The following ING3 variants were observed in gnomAD, a reference collection of about 807,000 sequenced individuals.
ING3 encodes inhibitor of growth protein 3.
Under a neutral mutation model 64.8 loss-of-function variants are expected in ING3, and 6 were observed. The observed-to-expected ratio is 0.09, with a 90% CI of 0.05 to 0.18. The LOEUF (loss-of-function observed/expected upper bound fraction) is 0.18. ING3 is among the 10% of genes least tolerant of loss of function. The pLI is 1.00. For missense variants in ING3, 310 were observed against 489.7 expected (o/e 0.63, Z 3.46); for synonymous variants, 170 against 173.7 (o/e 0.98, Z 0.17).
chr7:120,974,914 A>G lies in ING3; in HGVS notation c.*70A>G, dbSNP rs972846557. The stretch of plus-strand genomic sequence containing the variant: ...TTTTATATAGGACTTTAAAAAGAAG[A>G]GAAGAGAAAGAAGAAACAATGCATT... On this transcript the variant is annotated 3_prime_UTR_variant, in exon 12 of 12. Coordinates refer to ENST00000315870, the MANE Select transcript of ING3 (RefSeq NM_019071.3). The G allele has an allele frequency of 3.8e-6, 4 of 1,048,942 alleles. No individual in the cohort carries two copies. Among genetic ancestry groups the G allele is most frequent in the Non-Finnish European group, 4.2e-6 (3 of 709,058 alleles). The allele number at this position is 1,048,942 out of a possible 1,614,324, so 65.0% of individuals were successfully genotyped here. A position where few individuals can be genotyped will look rare whatever the true frequency, so the allele number is the denominator to read the frequency against.
Position 120,967,971 on chromosome 7 carries a change from T to A in ING3, c.594T>A (p.Asn198Lys). Residue 198 changes from asparagine to lysine, a missense_variant, in exon 8 of 12, where the codon AAT (asparagine) becomes AAA (lysine). This residue lies in a region of ING3 where 233 missense variants were observed against 289.4 expected (regional missense o/e 0.81). Coordinates refer to ENST00000315870, the MANE Select transcript of ING3 (RefSeq NM_019071.3). ...RNNNSTASSN[N>K]AYNVNSSQPL... is the part of the protein sequence containing the mutation. ...ATAATTCCACAGCCTCTTCTAACAA[T>A]GCCTACAATGTGAATTCCTCCCAAC... The A allele has an allele frequency of 6.2e-7, 1 of 1,614,130 alleles. No individual in the cohort carries two copies. The highest frequency in any genetic ancestry group is 8.5e-7 in the Non-Finnish European group (1 of 1,180,000).
In ING3 at chr7:120,951,965, A is replaced by G. The variant is rs964668385; in HGVS notation, c.100+730A>G. 2.0e-5 allele frequency among the ~76,000 whole-genome samples: 3 copies of G among 152,210 alleles called. No homozygotes were observed. The South Asian group carries it at 6.2e-4, about 31-fold the overall frequency. On this transcript the variant is annotated intron_variant, in intron 2 of 11. Coordinates refer to ENST00000315870, the MANE Select transcript of ING3 (RefSeq NM_019071.3). ...GCTCAGGGACCACCTGCTGCAGCTA[A>G]GAACCTGTCCTTTTCACTGCTCCTG...
intron 4 of ING3, chr7:120,956,144 G>C: frequency 6.4e-7 from 1 of 1,571,774 alleles, no homozygotes; most frequent in Non-Finnish European, 8.8e-7. Flanking sequence ...CTTTAAACAA[G>C]ATTCTTTTTT....
intron 4 of ING3, among the ~76,000 whole-genome samples, chr7:120,963,373 A>G (rs533465858): frequency 8.5e-5 from 13 of 152,120 alleles, no homozygotes; most frequent in Non-Finnish European, 1.6e-4. Context: ...TTGTTAATAT[A>G]TAAAATACAA....
chr7:120,954,315 A>G (rs919074871), intron 3 of ING3, among the ~76,000 whole-genome samples: 19 of 151,848 alleles, frequency 1.3e-4, no homozygotes, highest in Non-Finnish European at 1.8e-4. Flanking sequence ...GATCCCAGCT[A>G]CTCGAGAGAC....
Position 120,950,795 on chromosome 7 carries a change from T to C in ING3, c.-102T>C. 2.4e-5 allele frequency: 15 copies of C among 634,688 alleles called. No homozygotes were observed. The highest frequency in any genetic ancestry group is 3.7e-5 in the Non-Finnish European group (15 of 400,220). 39.3% of individuals were successfully genotyped at this position (634,688 alleles called of 1,614,324 possible). ...TTTTTTGCCGGAGTCGAGCGGGTGC[T>C]GCTAGCGGAGGCGCCATATTGGAGG... On this transcript the variant is annotated 5_prime_UTR_variant, in exon 1 of 12. Coordinates refer to ENST00000315870, the MANE Select transcript of ING3 (RefSeq NM_019071.3).
rs767152365 is a variant in ING3 at position 120,974,852 on chromosome 7, C to T, written c.*8C>T. ...GGCAGCAGACACAAATAAAGGTGGTCCTTTTGTTTGATGAAGAAATAAACT... is the reference window on the plus strand; with the variant it reads ...GGCAGCAGACACAAATAAAGGTGGTTCTTTTGTTTGATGAAGAAATAAACT... On this transcript the variant is annotated 3_prime_UTR_variant, in exon 12 of 12. Transcript: ENST00000315870. The T allele has an allele frequency of 6.4e-7, 1 of 1,564,916 alleles. No individual in the cohort carries two copies. Among genetic ancestry groups the T allele is most frequent in the Non-Finnish European group, 8.7e-7 (1 of 1,143,796 alleles).
intron 2 of ING3, among the ~76,000 whole-genome samples, 191 bp downstream of exon 2, chr7:120,951,426 C>CTT (rs1333727068): frequency 6.6e-6 from 1 of 152,176 alleles, no homozygotes; most frequent in African/African-American, 2.4e-5. Context: ...TTTTTTCTGG[C>CTT]TTTTGCAAGA....
intron 4 of ING3, 79 bp from the exon 5 acceptor site, chr7:120,964,663 A>C (rs1349723106): frequency 9.0e-7 from 1 of 1,107,878 alleles, no homozygotes; most frequent in South Asian, 1.3e-5. Flanking sequence ...AAGAAACAAA[A>C]ATTTAGGTTT....
chr7:120,961,583 C>CA (rs1197857952), intron 4 of ING3, among the ~76,000 whole-genome samples: 1 of 152,144 alleles, frequency 6.6e-6, no homozygotes, highest in Admixed American at 6.5e-5. Flanking sequence ...AAGAAAGAGT[C>CA]AAAGATTACA....
At position 120,969,086 on chromosome 7, in the gene ING3, A is replaced by G. The variant is rs1018252472; in HGVS notation, c.790A>G (p.Lys264Glu). 6.2e-7 allele frequency: 1 copy of G among 1,614,094 alleles called. No homozygotes were observed. The highest frequency in any genetic ancestry group is 8.5e-7 in the Non-Finnish European group (1 of 1,179,950). ...TAAGAATAATGACTTTCAGTTGGGA[A>G]AAGAATTTTCAATGGCCAGGGAAAC... ...AFKNNDFQLG[K>E]EFSMARETVG... Residue 264 changes from lysine (K) to glutamate (E), a missense_variant, in exon 9 of 12, where the codon AAA (lysine) becomes GAA (glutamate). Physicochemically the swap from Lys to Glu is moderately conservative, Grantham distance 56 (BLOSUM62 1). Around this residue, in one of 3 missense-constraint regions of ING3, gnomAD observed 233 missense variants for 289.4 expected, o/e 0.81. Transcript: ENST00000315870.
At chr7:120,969,618 C>T (rs377304093) in intron 9 of ING3, among the ~76,000 whole-genome samples, 4 of 151,512 alleles carry the variant, frequency 2.6e-5, no homozygotes, top group Non-Finnish European at 4.4e-5. Flanking sequence ...GCAAGCAAGG[C>T]GTCTTCATTC....
intron 3 of ING3, among the ~76,000 whole-genome samples, chr7:120,954,404 C>CAACAGAGT (rs1795813812): frequency 2.0e-5 from 3 of 149,282 alleles, no homozygotes; most frequent in Non-Finnish European, 4.4e-5. Flanking sequence ...ACAGCCTGGG[C>CAACAGAGT]AACAGAGTGA....
intron 4 of ING3, among the ~76,000 whole-genome samples, chr7:120,962,984 C>T (rs1795953147): frequency 6.6e-6 from 1 of 152,080 alleles, no homozygotes; most frequent in South Asian, 2.1e-4. Context: ...TTTAATCCAG[C>T]ACCAAGCACG....
At chr7:120,956,101 G>C (rs1339021866) in intron 4 of ING3, 1 of 1,081,266 alleles carries the variant, frequency 9.2e-7, no homozygotes, top group East Asian at 2.4e-5. Flanking sequence ...TGTAACAGCT[G>C]TGTCAGTTGT....
chr7:120,974,641 G>T, intron 11 of ING3, 87 bp from the exon 12 acceptor site: 1 of 656,888 alleles, frequency 1.5e-6, no homozygotes, highest in South Asian at 1.9e-5. Flanking sequence ...AAATTAAATG[G>T]ATTATTCAGT....
intron 10 of ING3, among the ~76,000 whole-genome samples, chr7:120,971,945 T>G (rs923068379): frequency 5.3e-5 from 8 of 152,226 alleles, no homozygotes; most frequent in African/African-American, 1.9e-4. Flanking sequence ...AGTACCAATT[T>G]GGTAGTTTTA....
chr7:120,962,087 A>G (rs1393035271), intron 4 of ING3, among the ~76,000 whole-genome samples: 2 of 152,220 alleles, frequency 1.3e-5, no homozygotes, highest in Non-Finnish European at 1.5e-5. Flanking sequence ...GGGAATGCAC[A>G]TGATGGATTT....
At chr7:120,962,713 A>G (rs1356707598) in intron 4 of ING3, among the ~76,000 whole-genome samples, 2 of 151,786 alleles carry the variant, frequency 1.3e-5, no homozygotes, top group Non-Finnish European at 2.9e-5. Flanking sequence ...CTGTCTCTAC[A>G]TTTTTTATTG....
Sources: allele counts gnomAD v4.1 joint callset (sites outside exome capture counted in the v4.1 genomes callset), GRCh38; gene constraint gnomAD v4.1.1; regional missense constraint gnomAD v4.1.1; transcripts MANE v1.5; gene names NCBI Gene and HGNC (gene_info 2026-07-23, HGNC 2026-07-21).